Variants in MAGI1 observed in about 807,000 individuals in gnomAD.
MAGI1 encodes membrane associated guanylate kinase, WW and PDZ domain containing 1, also known as membrane-associated guanylate kinase, WW and PDZ domain-containing protein 1.
Under a neutral mutation model 139.9 loss-of-function variants are expected in MAGI1, and 58 were observed. The ratio of observed to expected loss-of-function variants is 0.41; its 90% confidence interval spans 0.34 to 0.52. MAGI1 has a LOEUF of 0.52. Among genes scored for constraint, MAGI1 ranks in the 20% least tolerant of loss-of-function variants. The probability of loss-of-function intolerance (pLI) is 0.12; values close to 1 mark genes in which losing one functional copy is unlikely to be tolerated. For synonymous variants in MAGI1, 812 were observed against 737.9 expected, an observed-to-expected ratio of 1.10 and a Z score of -1.63; for missense variants, 1,874 against 1,901.6, an observed-to-expected ratio of 0.99 and a Z score of 0.27.
intron 1 of MAGI1, among the ~76,000 whole-genome samples, chr3:65,996,015 A>G (rs1248189903): frequency 6.6e-6 from 1 of 152,094 alleles, no homozygotes; most frequent in Admixed American, 6.6e-5. Flanking sequence ...AAAACAAAAC[A>G]AAAACGGGAT....
intron 1 of MAGI1, among the ~76,000 whole-genome samples, chr3:65,693,205 A>G (rs2088836808): frequency 6.6e-6 from 1 of 152,176 alleles, no homozygotes; most frequent in African/African-American, 2.4e-5. Context: ...TCAGCCTCCC[A>G]AAGTGCTGGG....
chr3:65,528,096 C>A (rs1337663665), intron 2 of MAGI1, among the ~76,000 whole-genome samples: 1 of 151,952 alleles, frequency 6.6e-6, no homozygotes, highest in Admixed American at 6.6e-5. Flanking sequence ...CAAAAAATGG[C>A]TTTTTAATTT....
chr3:65,526,480 A>G (rs1282408658), intron 2 of MAGI1, among the ~76,000 whole-genome samples: 1 of 152,224 alleles, frequency 6.6e-6, no homozygotes, highest in Non-Finnish European at 1.5e-5. Flanking sequence ...CTTTATCTGC[A>G]TGCAAATTAG....
intron 1 of MAGI1, among the ~76,000 whole-genome samples, chr3:65,870,230 A>AC (rs942614123): frequency 4.6e-5 from 7 of 151,840 alleles, no homozygotes; most frequent in Non-Finnish European, 7.4e-5. Flanking sequence ...GCACTGAGAT[A>AC]CTTTTTTTTT....
chr3:66,034,394 C>T (rs989795242), intron 1 of MAGI1, among the ~76,000 whole-genome samples: 3 of 152,206 alleles, frequency 2.0e-5, no homozygotes, highest in Non-Finnish European at 4.4e-5. Flanking sequence ...ATTCTCTGAA[C>T]CTCAGCTTCT....
chr3:66,013,760 CAA>C (rs372862676), intron 1 of MAGI1, among the ~76,000 whole-genome samples: 34 of 81,454 alleles, frequency 4.2e-4, no homozygotes, highest in Non-Finnish European at 4.5e-4. Flanking sequence ...GACTCTGTCT[CAA>C]AAAAAAAAAA....
At chr3:65,774,017 C>T (rs896869901) in intron 1 of MAGI1, among the ~76,000 whole-genome samples, 1 of 151,684 alleles carries the variant, frequency 6.6e-6, no homozygotes, top group Admixed American at 6.6e-5. Flanking sequence ...ACAGAAATTA[C>T]ACACTACAGA....
intron 22 of MAGI1, chr3:65,359,542 T>C: frequency 3.0e-6 from 3 of 1,007,256 alleles, no homozygotes; most frequent in Non-Finnish European, 3.6e-6. Context: ...CCGCGGCAGT[T>C]AAATTAAGTA....
intron 3 of MAGI1, among the ~76,000 whole-genome samples, chr3:65,484,750 T>TCAC (rs1255843658): frequency 6.6e-6 from 1 of 152,086 alleles, no homozygotes; most frequent in Non-Finnish European, 1.5e-5. Flanking sequence ...CCTCTGCTCC[T>TCAC]CACCCTGTTA....
chr3:65,968,308 T>G (rs2064856879), intron 1 of MAGI1, among the ~76,000 whole-genome samples: 1 of 152,130 alleles, frequency 6.6e-6, no homozygotes, highest in Non-Finnish European at 1.5e-5. Flanking sequence ...AAGATCAAAA[T>G]ACAACGATAT....
chr3:65,778,143 A>C (rs1299174757), intron 1 of MAGI1, among the ~76,000 whole-genome samples: 4 of 152,138 alleles, frequency 2.6e-5, no homozygotes, highest in African/African-American at 9.7e-5. Context: ...TAAAAAGAAA[A>C]GTTCGGCCAG....
At chr3:65,831,037 A>G (rs2042497255) in intron 1 of MAGI1, among the ~76,000 whole-genome samples, 1 of 152,124 alleles carries the variant, frequency 6.6e-6, no homozygotes. Flanking sequence ...GCTAAATGAT[A>G]TTCCCCTTTA....
In MAGI1 at chr3:65,429,891, G is replaced by A. The variant is rs761079131; in HGVS notation, c.1796C>T (p.Thr599Ile). The A allele has an allele frequency of 9.3e-6, 15 of 1,613,922 alleles. No individual in the cohort carries two copies. In the South Asian group the frequency reaches 1.6e-4, roughly 18 times the overall value. Residue 599 changes from threonine to isoleucine, a missense_variant, in exon 12 of 23, where the codon ACA becomes ATA. Thr to Ile is a moderately conservative substitution (Grantham distance 89). This residue lies in a region of MAGI1 where 482 missense variants were observed against 509.6 expected (regional missense o/e 0.95). Coordinates refer to ENST00000402939, the MANE Select transcript of MAGI1 (RefSeq NM_001033057.2). ...YDSPASHSSKTGKVNGMKDAR... is the reference protein window; with the variant it reads ...YDSPASHSSKIGKVNGMKDAR... ...ATCCTTCATGCCATTGACTTTGCCTGTTTTACTACTGTGGCTAGCTGGTGA... is the reference window on the plus strand; with the variant it reads ...ATCCTTCATGCCATTGACTTTGCCTATTTTACTACTGTGGCTAGCTGGTGA...
At chr3:65,904,604 C>G (rs2061364551) in intron 1 of MAGI1, among the ~76,000 whole-genome samples, 1 of 152,214 alleles carries the variant, frequency 6.6e-6, no homozygotes, top group Admixed American at 6.5e-5. Context: ...CATCCCTCAG[C>G]CCAGAATGCC....
intron 1 of MAGI1, among the ~76,000 whole-genome samples, chr3:65,747,219 T>G (rs1337869898): frequency 1.3e-5 from 2 of 152,238 alleles, no homozygotes; most frequent in Non-Finnish European, 2.9e-5. Context: ...TAGGGGACCC[T>G]CTGAGGAGTC....
intron 1 of MAGI1, among the ~76,000 whole-genome samples, chr3:65,885,824 G>A (rs543260476): frequency 2.6e-5 from 4 of 152,248 alleles, no homozygotes; most frequent in Admixed American, 2.6e-4. Context: ...GTGTGTACTA[G>A]CAGCGTGAGA....
Position 65,734,958 on chromosome 3 carries a change from A to G in MAGI1, c.314-112870T>C, listed in dbSNP as rs373441018. Among the ~76,000 whole-genome samples the G allele has an allele frequency of 6.6e-5, 10 of 152,160 alleles. No homozygotes were observed. In the East Asian group the frequency reaches 9.7e-4, roughly 15 times the overall value. ...AAGACAAATCCTAAAATTATCCTAT[A>G]GATCATTACAATTCACATAAAAGCT... On this transcript the variant is annotated intron_variant, in intron 1 of 22. Coordinates refer to ENST00000402939, the MANE Select transcript of MAGI1 (RefSeq NM_001033057.2).
intron 1 of MAGI1, among the ~76,000 whole-genome samples, chr3:65,626,768 T>C (rs986794428): frequency 3.9e-5 from 6 of 152,232 alleles, no homozygotes; most frequent in African/African-American, 1.4e-4. Context: ...ATGCTGCCAG[T>C]TAACATTTAC....
chr3:65,401,376 AC>A, intron 13 of MAGI1, 62 bp downstream of exon 13: 2 of 406,702 alleles, frequency 4.9e-6, no homozygotes, highest in Non-Finnish European at 8.9e-6. Context: ...GTACCCTCCC[AC>A]CTCCAGCCCC....
Sources: allele counts gnomAD v4.1 joint callset (sites outside exome capture counted in the v4.1 genomes callset), GRCh38; gene constraint gnomAD v4.1.1; regional missense constraint gnomAD v4.1.1; transcripts MANE v1.5; gene names NCBI Gene and HGNC (gene_info 2026-07-23, HGNC 2026-07-21).